The following IQUB variants were observed in gnomAD, a reference collection of about 807,000 sequenced individuals.
IQUB encodes the protein IQ motif and ubiquitin-like domain-containing protein.
IQUB carries 86 observed loss-of-function variants against 86.4 expected under a neutral mutation model. The observed-to-expected ratio is 1.00, with a 90% CI of 0.84 to 1.19. The LOEUF (loss-of-function observed/expected upper bound fraction) is 1.19. Ranked by LOEUF, IQUB falls within the 50% of genes most tolerant of loss-of-function variation. The pLI, the probability that IQUB is intolerant of heterozygous loss-of-function variation, is 0.00. For missense variants in IQUB, 946 were observed against 916.9 expected, an observed-to-expected ratio of 1.03 and a Z score of -0.41; for synonymous variants, 289 against 304.5, an observed-to-expected ratio of 0.95 and a Z score of 0.53.
At chr7:123,526,309 G>A (rs1018219507) in intron 1 of IQUB, among the ~76,000 whole-genome samples, 5 of 151,690 alleles carry the variant, frequency 3.3e-5, no homozygotes, top group Admixed American at 6.6e-5. Context: ...GAGTGTTAAA[G>A]TCTCCCATTA....
At chr7:123,488,354 A>AG (rs1795306652) in intron 7 of IQUB, among the ~76,000 whole-genome samples, 1 of 151,104 alleles carries the variant, frequency 6.6e-6, no homozygotes, top group Non-Finnish European at 1.5e-5. Context: ...AAAAAGAAAA[A>AG]AAAAAAAAAA....
intron 1 of IQUB, among the ~76,000 whole-genome samples, chr7:123,525,194 A>G (rs1169567858): frequency 6.6e-6 from 1 of 152,130 alleles, no homozygotes; most frequent in Non-Finnish European, 1.5e-5. Flanking sequence ...CAGCTTTGGT[A>G]TCAGGATGAT....
intron 7 of IQUB, among the ~76,000 whole-genome samples, chr7:123,494,061 T>C (rs1795607415): frequency 6.6e-6 from 1 of 152,114 alleles, no homozygotes; most frequent in Admixed American, 6.6e-5. Context: ...ATATAAAATT[T>C]TTAAATAGAC....
chr7:123,520,216 A>G (rs1796840956), intron 1 of IQUB, among the ~76,000 whole-genome samples: 1 of 152,160 alleles, frequency 6.6e-6, no homozygotes, highest in South Asian at 2.1e-4. Context: ...TTTCCTCACT[A>G]GAATATAAGC....
rs763369359 is a variant in IQUB at position 123,469,230 on chromosome 7, A to G, written c.1565T>C (p.Leu522Pro). The change falls in exon 9 of 13, where the codon CTT (leucine) becomes CCT (proline). Residue 522 changes from leucine to proline, a missense_variant. Leu to Pro is a moderately conservative substitution (Grantham distance 98). Transcript: ENST00000324698. ...QDERLDVLLT[L>P]KHTVKEHECK... ...TTAACATACCTTTACAGTGTGTTTA[A>G]GAGTTAACAGCACATCCAGCCTCTC... 1 of 1,590,900 alleles carries G rather than the reference A, an allele frequency of 6.3e-7. No homozygotes were observed. Among genetic ancestry groups the G allele is most frequent in the Admixed American group, 1.8e-5 (1 of 55,624 alleles).
At chr7:123,480,894 G>T (rs1188019090) in intron 7 of IQUB, among the ~76,000 whole-genome samples, 1 of 152,046 alleles carries the variant, frequency 6.6e-6, no homozygotes, top group African/African-American at 2.4e-5. Flanking sequence ...TAAAAAATGT[G>T]CTGCACAAAC....
chr7:123,491,589 A>G (rs1795467092), intron 7 of IQUB, among the ~76,000 whole-genome samples: 1 of 152,188 alleles, frequency 6.6e-6, no homozygotes, highest in African/African-American at 2.4e-5. Flanking sequence ...ACTCAGAAAA[A>G]AATTACCAAT....
At chr7:123,503,462 T>G in intron 3 of IQUB, 99 bp from the exon 4 acceptor site, 1 of 685,996 alleles carries the variant, frequency 1.5e-6, no homozygotes, top group Non-Finnish European at 2.4e-6. Context: ...AAATTGTATA[T>G]ATTGTGTACA....
chr7:123,524,459 T>C (rs1346811376), intron 1 of IQUB, among the ~76,000 whole-genome samples: 1 of 150,666 alleles, frequency 6.6e-6, no homozygotes, highest in Non-Finnish European at 1.5e-5. Flanking sequence ...TTATTCTCTT[T>C]GAAGCAATTG....
intron 7 of IQUB, among the ~76,000 whole-genome samples, chr7:123,485,536 T>C (rs758843045): frequency 6.6e-6 from 1 of 152,146 alleles, no homozygotes; most frequent in Non-Finnish European, 1.5e-5. Flanking sequence ...AATTGGTTCA[T>C]CTGAAAAAAT....
intron 7 of IQUB, among the ~76,000 whole-genome samples, chr7:123,491,976 G>T (rs1043404527): frequency 6.6e-6 from 1 of 152,134 alleles, no homozygotes; most frequent in African/African-American, 2.4e-5. Context: ...GGCCTTTGGG[G>T]ATGTGATTAG....
At chr7:123,498,916 T>A (rs1464260550) in intron 6 of IQUB, among the ~76,000 whole-genome samples, 1 of 151,922 alleles carries the variant, frequency 6.6e-6, no homozygotes, top group Non-Finnish European at 1.5e-5. Context: ...AGGGAAAAAA[T>A]GGGTATTGAC....
At chr7:123,458,271 T>C (rs923391342) in intron 11 of IQUB, among the ~76,000 whole-genome samples, 2 of 151,986 alleles carry the variant, frequency 1.3e-5, no homozygotes, top group African/African-American at 4.8e-5. Context: ...ATTATAAATT[T>C]AGAATTGCCA....
intron 1 of IQUB, among the ~76,000 whole-genome samples, chr7:123,529,897 G>C (rs2117392126): frequency 6.6e-6 from 1 of 152,252 alleles, no homozygotes; most frequent in South Asian, 2.1e-4. Flanking sequence ...GCTGGGCGTG[G>C]TGGCATGTGC....
At chr7:123,534,268 C>A (rs1237723598) in intron 1 of IQUB, among the ~76,000 whole-genome samples, 1 of 152,090 alleles carries the variant, frequency 6.6e-6, no homozygotes, top group African/African-American at 2.4e-5. Flanking sequence ...GTTCAAGTCC[C>A]AAATCAGAGA....
intron 8 of IQUB, among the ~76,000 whole-genome samples, chr7:123,470,612 G>A (rs1369265287): frequency 2.0e-5 from 3 of 152,140 alleles, no homozygotes. Context: ...GCCACTTTGG[G>A]AGGCCGAGGC....
chr7:123,518,095 A>C (rs1030396842), intron 1 of IQUB, among the ~76,000 whole-genome samples: 1 of 152,248 alleles, frequency 6.6e-6, no homozygotes, highest in Non-Finnish European at 1.5e-5. Flanking sequence ...ATAATAAAAC[A>C]ATAATATAAC....
rs765223959 is a variant in IQUB, at chr7:123,452,882, A to C, written c.2237T>G (p.Ile746Ser). The C allele has an allele frequency of 6.2e-7, 1 of 1,613,344 alleles. No homozygotes were observed. Among genetic ancestry groups the C allele is most frequent in the Non-Finnish European group, 8.5e-7 (1 of 1,179,534 alleles). The part of the protein sequence containing the change: ...SFIHKIKHKH[I>S]LAKNYFSQVP... ...CTGAGAAAAATAGTTCTTAGCCAGG[A>C]TATGTTTGTGTTTGATCTTGTGAAT... The change falls in exon 13 of 13, where the codon ATC (isoleucine) becomes AGC (serine). Residue 746 changes from isoleucine (I) to serine (S), a missense_variant. Coordinates refer to ENST00000324698, the MANE Select transcript of IQUB (RefSeq NM_178827.5).
chr7:123,493,773 G>GTA (rs1309126573), intron 7 of IQUB, among the ~76,000 whole-genome samples: 4 of 146,626 alleles, frequency 2.7e-5, no homozygotes, highest in Non-Finnish European at 6.0e-5. Flanking sequence ...GTGTGTGTGT[G>GTA]TGCATGTGTG....
Sources: allele counts gnomAD v4.1 joint callset (sites outside exome capture counted in the v4.1 genomes callset), GRCh38; gene constraint gnomAD v4.1.1; transcripts MANE v1.5; gene names NCBI Gene and HGNC (gene_info 2026-07-23, HGNC 2026-07-21).